Variants in IGSF10 observed in about 807,000 individuals in gnomAD.
IGSF10 encodes calvaria mechanical force protein 608.
In IGSF10, 126 loss-of-function variants were observed where a neutral mutation model predicts 128.2. The ratio of observed to expected loss-of-function variants is 0.98; its 90% CI spans 0.85 to 1.14. The LOEUF is 1.14. Ranked by LOEUF, IGSF10 falls within the 50% of genes most tolerant of loss-of-function variation. The pLI, the probability that IGSF10 is intolerant of heterozygous loss-of-function variation, is 0.00. For synonymous variants in IGSF10, 1,185 were observed against 1,146.2 expected (o/e 1.03, Z -0.68); for missense variants, 3,295 against 3,149.8 (o/e 1.05, Z -1.10).
At chr3:151,563,284 C>G in the IGSF10 span, among the ~76,000 whole-genome samples, 1 of 152,108 alleles carries the variant, frequency 6.6e-6, no homozygotes, top group Non-Finnish European at 1.5e-5. Context: ...AGGCCCGTAC[C>G]TCTGCACCTC....
the IGSF10 span, among the ~76,000 whole-genome samples, chr3:151,498,385 C>G: frequency 1.3e-5 from 2 of 151,738 alleles, no homozygotes; most frequent in Non-Finnish European, 3.0e-5. Flanking sequence ...ACCAATATCC[C>G]TGATGAACAT....
the IGSF10 span, among the ~76,000 whole-genome samples, chr3:151,591,448 T>TTATA: frequency 7.0e-6 from 1 of 143,552 alleles, no homozygotes; most frequent in Non-Finnish European, 1.5e-5. Context: ...AATATATATA[T>TTATA]TATATATATA....
chr3:151,546,042 C>CAA, the IGSF10 span, among the ~76,000 whole-genome samples: 4 of 129,924 alleles, frequency 3.1e-5, no homozygotes, highest in Non-Finnish European at 3.4e-5. Context: ...TATGTGGCCA[C>CAA]AAAAAAAAAA....
the IGSF10 span, among the ~76,000 whole-genome samples, chr3:151,554,870 C>T: frequency 6.6e-5 from 10 of 152,126 alleles, no homozygotes; most frequent in Admixed American, 3.3e-4. Flanking sequence ...TGCAAGGGTT[C>T]GAGGCTATCC....
At chr3:151,573,160 A>G in the IGSF10 span, among the ~76,000 whole-genome samples, 2 of 152,172 alleles carry the variant, frequency 1.3e-5, no homozygotes, top group African/African-American at 2.4e-5. Context: ...TATGTGGTCA[A>G]TTTTGCAATA....
At chr3:151,514,530 G>A in the IGSF10 span, among the ~76,000 whole-genome samples, 60 of 152,206 alleles carry the variant, frequency 3.9e-4, no homozygotes, top group East Asian at 6.4e-3. Context: ...GAAAACCTAG[G>A]CAATACCATT....
chr3:151,445,949 T>C lies in IGSF10; in HGVS notation c.4032A>G (p.Ile1344Met). The change falls in exon 6 of 8, where the codon ATA becomes ATG. Residue 1344 changes from isoleucine to methionine, a missense_variant. By Grantham distance (10) the Ile-to-Met change is conservative. Transcript: ENST00000282466. ...TQTERSRAQT[I>M]QREQEPQKKN... ...TCTTTTGAGGCTCCTGTTCTCTTTG[T>C]ATTGTTTGTGCTCTAGATCTCTCTG... is the stretch of plus-strand genomic sequence containing the variant. 1 of 1,614,192 alleles carries C rather than the reference T, an allele frequency of 6.2e-7. No homozygotes were observed. Among genetic ancestry groups the C allele is most frequent in the South Asian group, 1.1e-5 (1 of 91,082 alleles).
the IGSF10 span, among the ~76,000 whole-genome samples, chr3:151,549,974 T>C: frequency 1.3e-5 from 2 of 152,302 alleles, no homozygotes; most frequent in Middle Eastern, 3.4e-3. Flanking sequence ...ATATACATGT[T>C]GATTGTAAGA....
chr3:151,529,323 C>T, the IGSF10 span, among the ~76,000 whole-genome samples: 4 of 152,188 alleles, frequency 2.6e-5, no homozygotes, highest in Non-Finnish European at 5.9e-5. Flanking sequence ...CTGAGGAGAG[C>T]AGCGGATCTC....
the IGSF10 span, among the ~76,000 whole-genome samples, chr3:151,563,372 C>T: frequency 1.3e-5 from 2 of 152,070 alleles, no homozygotes; most frequent in Non-Finnish European, 2.9e-5. Context: ...CTAACTTGGG[C>T]CTTCTTAATT....
At chr3:151,483,684 T>C in the IGSF10 span, among the ~76,000 whole-genome samples, 1 of 152,086 alleles carries the variant, frequency 6.6e-6, no homozygotes, top group Non-Finnish European at 1.5e-5. Flanking sequence ...GGGTGGGGCA[T>C]TGCCTCACCC....
chr3:151,512,975 G>C, the IGSF10 span, among the ~76,000 whole-genome samples: 3 of 152,136 alleles, frequency 2.0e-5, no homozygotes, highest in Non-Finnish European at 4.4e-5. Flanking sequence ...ATAATTAATA[G>C]CTTACCAACC....
chr3:151,558,246 A>G, the IGSF10 span, among the ~76,000 whole-genome samples: 2 of 151,026 alleles, frequency 1.3e-5, no homozygotes, highest in Non-Finnish European at 2.9e-5. Context: ...TAACCCAACA[A>G]AAAGAAATCA....
At chr3:151,575,670 T>C in the IGSF10 span, among the ~76,000 whole-genome samples, 2 of 152,176 alleles carry the variant, frequency 1.3e-5, no homozygotes, top group Admixed American at 6.5e-5. Flanking sequence ...CCCAGACCCC[T>C]TGTGCTTCCT....
the IGSF10 span, among the ~76,000 whole-genome samples, chr3:151,572,989 A>G: frequency 2.6e-5 from 4 of 152,130 alleles, no homozygotes; most frequent in African/African-American, 4.8e-5. Context: ...TTATTTACCC[A>G]GTAAATAATG....
the IGSF10 span, among the ~76,000 whole-genome samples, chr3:151,527,789 T>A: frequency 1.7e-5 from 1 of 58,128 alleles, no homozygotes; most frequent in East Asian, 2.8e-4. Flanking sequence ...GTCTCTACAA[T>A]TTTTTTTTTT....
Position 151,436,970 on chromosome 3 carries a change from TA to T in IGSF10, c.7590del (p.Thr2531GlnfsTer60). On this transcript the variant is annotated frameshift_variant, in exon 8 of 8. Transcript: ENST00000282466. LOFTEE classifies it low-confidence loss of function (END_TRUNC). ...PVMIVAYPPR[I>X]TNRPPRSIVT... ...ACAATACTCCTGGGTGGACGATTTGTAATTCGGGGAGGGTAGGCTACAATCA... is the reference window on the plus strand; with the variant it reads ...ACAATACTCCTGGGTGGACGATTTGTATTCGGGGAGGGTAGGCTACAATCA... 6.2e-7 allele frequency: 1 copy of T among 1,614,238 alleles called. No homozygotes were observed. Among genetic ancestry groups the T allele is most frequent in the South Asian group, 1.1e-5 (1 of 91,082 alleles).
At chr3:151,513,853 A>G in the IGSF10 span, among the ~76,000 whole-genome samples, 34 of 152,208 alleles carry the variant, frequency 2.2e-4, no homozygotes, top group Admixed American at 1.6e-3. Flanking sequence ...CAAAATCATG[A>G]GTGAGCTCCC....
the IGSF10 span, among the ~76,000 whole-genome samples, chr3:151,577,751 G>A: frequency 6.6e-6 from 1 of 151,394 alleles, no homozygotes; most frequent in African/African-American, 2.4e-5. Context: ...AACTTTTCTT[G>A]AATGCATCAG....
Sources: allele counts gnomAD v4.1 joint callset (sites outside exome capture counted in the v4.1 genomes callset), GRCh38; gene constraint gnomAD v4.1.1; transcripts MANE v1.5; gene names NCBI Gene and HGNC (gene_info 2026-07-23, HGNC 2026-07-21).